ARHGAP24: variants seen among roughly 807,000 people sequenced by gnomAD.
ARHGAP24 encodes the protein Rho GTPase activating protein 24, also known as rho GTPase-activating protein 24.
A neutral mutation model predicts 76.4 loss-of-function variants in ARHGAP24; 50 were observed. That is an observed-to-expected ratio of 0.65 (90% CI 0.52 to 0.83). The LOEUF is 0.83. Among genes scored for constraint, ARHGAP24 ranks in the 40% least tolerant of loss-of-function variants. The pLI is 0.00. For missense variants in ARHGAP24, 930 were observed against 914.2 expected (o/e 1.02, Z -0.22); for synonymous variants, 345 against 323.3 (o/e 1.07, Z -0.72).
chr4:85,899,592 TG>T (rs1204939125), intron 3 of ARHGAP24, among the ~76,000 whole-genome samples: 1 of 152,212 alleles, frequency 6.6e-6, no homozygotes, highest in Non-Finnish European at 1.5e-5. Context: ...TTACAAGCTC[TG>T]GAGACAAAAT....
At chr4:85,863,191 C>A (rs1560679726) in intron 3 of ARHGAP24, among the ~76,000 whole-genome samples, 3 of 152,022 alleles carry the variant, frequency 2.0e-5, no homozygotes, top group Non-Finnish European at 2.9e-5. Flanking sequence ...AACTTAGGCA[C>A]CTTCACTCAG....
At chr4:85,532,687 T>G (rs1725317621) in intron 1 of ARHGAP24, among the ~76,000 whole-genome samples, 1 of 152,162 alleles carries the variant, frequency 6.6e-6, no homozygotes, top group African/African-American at 2.4e-5. Flanking sequence ...CATCTGACAA[T>G]AGTTGTTTTT....
At chr4:85,676,148 G>A (rs1372065963) in intron 2 of ARHGAP24, among the ~76,000 whole-genome samples, 5 of 152,096 alleles carry the variant, frequency 3.3e-5, no homozygotes, top group Non-Finnish European at 5.9e-5. Flanking sequence ...GAATGCTCTT[G>A]TGAACAAGAT....
At chr4:85,489,344 A>G (rs1299463901) in intron 1 of ARHGAP24, among the ~76,000 whole-genome samples, 2 of 152,214 alleles carry the variant, frequency 1.3e-5, no homozygotes, top group African/African-American at 4.8e-5. Flanking sequence ...AGAAACAGGG[A>G]GAGTTGTTTC....
chr4:85,702,010 T>A (rs184326936), intron 2 of ARHGAP24, among the ~76,000 whole-genome samples: 1 of 152,268 alleles, frequency 6.6e-6, no homozygotes, highest in Non-Finnish European at 1.5e-5. Context: ...TGTCCAAAAG[T>A]CCATCAACCC....
chr4:85,522,048 TA>T (rs1322159044), intron 1 of ARHGAP24, among the ~76,000 whole-genome samples: 14 of 152,178 alleles, frequency 9.2e-5, no homozygotes, highest in Non-Finnish European at 1.3e-4. Context: ...CAATGTAAAA[TA>T]GTTTTGATTT....
chr4:85,533,887 C>T (rs1041949229), intron 1 of ARHGAP24, among the ~76,000 whole-genome samples: 1 of 152,080 alleles, frequency 6.6e-6, no homozygotes, highest in African/African-American at 2.4e-5. Flanking sequence ...AAATAACTAG[C>T]CTATGTTAAG....
intron 8 of ARHGAP24, among the ~76,000 whole-genome samples, chr4:85,982,925 C>A (rs184339399): frequency 2.6e-5 from 4 of 152,076 alleles, no homozygotes; most frequent in African/African-American, 9.7e-5. Flanking sequence ...TCCCTTCCCC[C>A]CCTTCTCCCA....
chr4:85,585,883 A>G (rs1237321504), intron 2 of ARHGAP24, among the ~76,000 whole-genome samples: 1 of 152,112 alleles, frequency 6.6e-6, no homozygotes. Flanking sequence ...TTATCTCTTT[A>G]TCCTTTGCAT....
intron 1 of ARHGAP24, among the ~76,000 whole-genome samples, chr4:85,556,145 G>A (rs547741777): frequency 1.6e-4 from 24 of 152,066 alleles, no homozygotes; most frequent in African/African-American, 5.3e-4. Flanking sequence ...GAAGAGTGGG[G>A]GTTTGAGGGC....
intron 3 of ARHGAP24, among the ~76,000 whole-genome samples, chr4:85,741,182 G>T (rs1725810849): frequency 6.6e-6 from 1 of 152,064 alleles, no homozygotes; most frequent in African/African-American, 2.4e-5. Context: ...CCTTCCTTCG[G>T]CACCAGAGAG....
Position 86,001,054 on chromosome 4 carries a change from G to T in ARHGAP24, c.*332G>T. On this transcript the variant is annotated 3_prime_UTR_variant, in exon 10 of 10. Transcript: ENST00000395184. The stretch of plus-strand genomic sequence containing the variant: ...TCAATATGTTGTTGCAATTTAGCTT[G>T]CTTTCAAGCTTCACCCCTTGCACTT... 2.1e-6 allele frequency: 1 copy of T among 467,162 alleles called. No homozygotes were observed. The highest frequency in any genetic ancestry group is 3.7e-6 in the Non-Finnish European group (1 of 267,690). 28.9% of individuals were successfully genotyped at this position (467,162 alleles called of 1,614,324 possible).
chr4:85,655,818 A>AGAGAGAGAGAGAGAGAAAGAGAG, intron 2 of ARHGAP24, among the ~76,000 whole-genome samples: 1 of 35,524 alleles, frequency 2.8e-5, no homozygotes, highest in East Asian at 5.0e-4. Flanking sequence ...GAGAGAGAGA[A>AGAGAGAGAGAGAGAGAAAGAGAG]AGAGAGAGAG....
chr4:85,714,414 G>A (rs12509904), intron 2 of ARHGAP24, among the ~76,000 whole-genome samples: 26,974 of 151,880 alleles, frequency 0.18, 3,011 homozygotes, highest in East Asian at 0.57. Context: ...AATGAGCCCA[G>A]AATGATAATG....
chr4:85,913,471 T>C (rs1462756432), intron 3 of ARHGAP24, among the ~76,000 whole-genome samples: 1 of 152,072 alleles, frequency 6.6e-6, no homozygotes, highest in Non-Finnish European at 1.5e-5. Context: ...CTCTTGTTTC[T>C]TTCTTTGCCT....
At chr4:85,833,524 A>C (rs1299465038) in intron 3 of ARHGAP24, among the ~76,000 whole-genome samples, 1 of 152,154 alleles carries the variant, frequency 6.6e-6, no homozygotes, top group African/African-American at 2.4e-5. Flanking sequence ...ATTCACGCTA[A>C]GTTTCTCAGA....
intron 2 of ARHGAP24, among the ~76,000 whole-genome samples, chr4:85,610,151 G>A (rs572690473): frequency 4.6e-5 from 7 of 152,164 alleles, no homozygotes; most frequent in African/African-American, 1.7e-4. Context: ...AAATGAAGAG[G>A]TAATGTAGAA....
chr4:85,801,205 C>G (rs758998575), intron 3 of ARHGAP24, among the ~76,000 whole-genome samples: 71 of 151,998 alleles, frequency 4.7e-4, no homozygotes, highest in Non-Finnish European at 1.5e-4. Flanking sequence ...TTTGCTAAAC[C>G]TATATCCTAC....
intron 1 of ARHGAP24, among the ~76,000 whole-genome samples, chr4:85,497,030 GC>G (rs1436493938): frequency 6.6e-6 from 1 of 152,228 alleles, no homozygotes; most frequent in Non-Finnish European, 1.5e-5. Flanking sequence ...TTTGGCAAAT[GC>G]CCCGAGTTTA....
Sources: allele counts gnomAD v4.1 joint callset (sites outside exome capture counted in the v4.1 genomes callset), GRCh38; gene constraint gnomAD v4.1.1; transcripts MANE v1.5; gene names NCBI Gene and HGNC (gene_info 2026-07-23, HGNC 2026-07-21).